Variants in DENND1A observed in about 807,000 individuals in gnomAD.
DENND1A encodes the protein DENN domain-containing protein 1A.
DENND1A carries 51 observed loss-of-function variants against 113.7 expected under a neutral mutation model. That is an observed-to-expected ratio of 0.45 (90% CI 0.36 to 0.57). The LOEUF (loss-of-function observed/expected upper bound fraction) is 0.57, where lower values mean the gene tolerates loss of function less well. Among genes scored for constraint, DENND1A ranks in the 20% least tolerant of loss-of-function variants. DENND1A has a pLI of 0.00. For synonymous variants in DENND1A, 565 were observed against 570.8 expected (o/e 0.99, Z 0.14); for missense variants, 1,258 against 1,395.9 (o/e 0.90, Z 1.57).
At chr9:123,627,623 C>A (rs1259893432) in intron 10 of DENND1A, among the ~76,000 whole-genome samples, 1 of 151,822 alleles carries the variant, frequency 6.6e-6, no homozygotes, top group Non-Finnish European at 1.5e-5. Context: ...GCCTGTAATC[C>A]CAGCTACTCA....
chr9:123,622,619 T>C (rs2061016010), intron 10 of DENND1A, among the ~76,000 whole-genome samples: 1 of 152,242 alleles, frequency 6.6e-6, no homozygotes, highest in Non-Finnish European at 1.5e-5. Flanking sequence ...TAAGGAAAGC[T>C]TTAATATCAG....
chr9:123,700,249 A>T (rs1479851300), intron 5 of DENND1A, among the ~76,000 whole-genome samples: 2 of 152,188 alleles, frequency 1.3e-5, no homozygotes, highest in African/African-American at 4.8e-5. Flanking sequence ...ATCTTCATAC[A>T]GATTTTAGAA....
intron 16 of DENND1A, among the ~76,000 whole-genome samples, chr9:123,452,825 C>T (rs1026886570): frequency 6.6e-6 from 1 of 152,182 alleles, no homozygotes; most frequent in Non-Finnish European, 1.5e-5. Flanking sequence ...ATTGCCCTCA[C>T]CGTGCAACTT....
rs779472385 is a variant in DENND1A at position 123,643,847 on chromosome 9, CA to C, written c.618+8165del. Among the ~76,000 whole-genome samples the C allele has an allele frequency of 3.3e-5, 5 of 152,214 alleles. No homozygotes were observed. The East Asian group carries it at 5.8e-4, about 18-fold the overall frequency. The stretch of plus-strand genomic sequence containing the variant: ...CCTAGAGTAGTGTCAGGCGCACAGA[CA>C]GGGCTTGCCGAATCTGAAGTAAAAA... On this transcript the variant is annotated intron_variant, in intron 9 of 23. Transcript: ENST00000394215.
chr9:123,817,009 C>A (rs1179601593), intron 2 of DENND1A, among the ~76,000 whole-genome samples: 1 of 152,140 alleles, frequency 6.6e-6, no homozygotes, highest in Non-Finnish European at 1.5e-5. Flanking sequence ...CCAGAGGAAG[C>A]AGGTTACTTC....
At chr9:123,394,421 G>C (rs1172960951) in intron 21 of DENND1A, among the ~76,000 whole-genome samples, 4 of 152,052 alleles carry the variant, frequency 2.6e-5, no homozygotes, top group Non-Finnish European at 5.9e-5. Context: ...GGAGGGCCTG[G>C]AGCCAGCGCA....
At chr9:123,738,415 G>C (rs1417134326) in intron 5 of DENND1A, among the ~76,000 whole-genome samples, 3 of 150,954 alleles carry the variant, frequency 2.0e-5, no homozygotes, top group Admixed American at 6.6e-5. Context: ...GAGCCATAAA[G>C]AATGAAAAAC....
intron 5 of DENND1A, among the ~76,000 whole-genome samples, chr9:123,731,761 A>G (rs1327084429): frequency 6.6e-6 from 1 of 152,232 alleles, no homozygotes; most frequent in Non-Finnish European, 1.5e-5. Flanking sequence ...TCTGTAGAAA[A>G]TCACTGTTAA....
At chr9:123,453,068 TG>T (rs2047854393) in intron 16 of DENND1A, among the ~76,000 whole-genome samples, 1 of 152,130 alleles carries the variant, frequency 6.6e-6, no homozygotes, top group Admixed American at 6.5e-5. Flanking sequence ...GGACCTGAAG[TG>T]CACAGGGCAC....
chr9:123,737,553 A>T lies in DENND1A; in HGVS notation c.302+20150T>A, dbSNP rs75402999. Among the ~76,000 whole-genome samples, 66 of 152,300 alleles carry T rather than the reference A, an allele frequency of 4.3e-4. No homozygotes were observed. The East Asian group carries it at 0.011, about 26-fold the overall frequency. On this transcript the variant is annotated intron_variant, in intron 5 of 23. Coordinates refer to ENST00000394215, the MANE Select transcript of DENND1A (RefSeq NM_001352964.2). ...TAGTCCAAATTAAATTTACTGAGAA[A>T]GCTTAGTTGTGTTTGGAAAAAACGT...
chr9:123,508,385 G>T (rs1050933071), intron 13 of DENND1A, among the ~76,000 whole-genome samples: 1 of 152,282 alleles, frequency 6.6e-6, no homozygotes, highest in Non-Finnish European at 1.5e-5. Context: ...ATTCTAAGAC[G>T]ACACCCATGA....
At chr9:123,516,884 CAAAAAAAAAAAAAAAAAAAAAAA>C (rs546001517) in intron 13 of DENND1A, among the ~76,000 whole-genome samples, 16 of 93,406 alleles carry the variant, frequency 1.7e-4, no homozygotes, top group Admixed American at 2.1e-4. Flanking sequence ...GACTCTGTCT[CAAAAAAAAAAAAAAAAAAAAAAA>C]AAAAAAAAAA....
At chr9:123,387,258 A>G (rs1261394721) in intron 22 of DENND1A, among the ~76,000 whole-genome samples, 1 of 152,364 alleles carries the variant, frequency 6.6e-6, no homozygotes, top group East Asian at 1.9e-4. Context: ...TGATTAAATT[A>G]TCTTTAAAAA....
intron 2 of DENND1A, among the ~76,000 whole-genome samples, chr9:123,864,451 G>A (rs1204101967): frequency 6.6e-6 from 1 of 152,182 alleles, no homozygotes; most frequent in Non-Finnish European, 1.5e-5. Flanking sequence ...AGCCTAAAAT[G>A]TAAAAAGTAC....
chr9:123,520,241 G>C (rs1256032281), intron 13 of DENND1A, among the ~76,000 whole-genome samples: 1 of 150,706 alleles, frequency 6.6e-6, no homozygotes, highest in Non-Finnish European at 1.5e-5. Flanking sequence ...TGGATCACCT[G>C]AGTTCAGGAG....
chr9:123,680,008 A>T (rs2064339377), intron 5 of DENND1A, among the ~76,000 whole-genome samples: 1 of 152,080 alleles, frequency 6.6e-6, no homozygotes, highest in African/African-American at 2.4e-5. Context: ...CCTGCACTCA[A>T]GAAAGCTATG....
chr9:123,556,665 G>C (rs1004427711), intron 13 of DENND1A, among the ~76,000 whole-genome samples: 7 of 152,260 alleles, frequency 4.6e-5, no homozygotes, highest in African/African-American at 1.7e-4. Context: ...GGGTGTGACA[G>C]CGTCACTCAC....
At chr9:123,755,221 C>T (rs1340078416) in intron 5 of DENND1A, among the ~76,000 whole-genome samples, 2 of 151,208 alleles carry the variant, frequency 1.3e-5, no homozygotes, top group Non-Finnish European at 2.9e-5. Context: ...CTCCTGGGTT[C>T]AAGCGATTCT....
chr9:123,853,774 C>G (rs1317998930), intron 2 of DENND1A, among the ~76,000 whole-genome samples: 1 of 152,124 alleles, frequency 6.6e-6, no homozygotes, highest in Admixed American at 6.6e-5. Context: ...GGCTCAATGA[C>G]AGAGTAAAGA....
Sources: allele counts gnomAD v4.1 joint callset (sites outside exome capture counted in the v4.1 genomes callset), GRCh38; gene constraint gnomAD v4.1.1; transcripts MANE v1.5; gene names NCBI Gene and HGNC (gene_info 2026-07-23, HGNC 2026-07-21).